Variants in UTRN observed in about 807,000 individuals in gnomAD.
The protein encoded by UTRN is utrophin, also known as dystrophin-related protein 1.
In UTRN, 283 loss-of-function variants were observed where a neutral mutation model predicts 463.9. That is an observed-to-expected ratio of 0.61 (90% CI 0.55 to 0.67). UTRN has a LOEUF of 0.67. Ranked by LOEUF, UTRN falls within the 30% of genes least tolerant of loss-of-function variation. The pLI, the probability that UTRN is intolerant of heterozygous loss-of-function variation, is 0.00. For missense variants in UTRN, 3,922 were observed against 4,084.3 expected (o/e 0.96, Z 1.08); for synonymous variants, 1,442 against 1,431.5 (o/e 1.01, Z -0.17).
In UTRN at chr6:144,511,130, C is replaced by T; in HGVS notation, c.4944+7C>T. The T allele has an allele frequency of 1.2e-5, 18 of 1,523,382 alleles. No homozygotes were observed. The highest frequency in any genetic ancestry group is 1.6e-5 in the Non-Finnish European group (18 of 1,128,152). The allele number at this position is 1,523,382 out of a possible 1,614,324, so 94.4% of individuals were successfully genotyped here. ...TTGGTGCAATACCTTGATGGTATGT[C>T]TCAGGAAAAAGTAAATGATGAAATC... is the stretch of plus-strand genomic sequence containing the variant. On this transcript the variant is annotated splice_region_variant and intron_variant, in intron 35 of 74. Transcript: ENST00000367545.
Position 144,461,233 on chromosome 6 carries a change from C to T in UTRN, c.2744C>T (p.Thr915Ile). ...CAACCTGGACATGCATATCTGGAAA[C>T]ATTGAAAACACTGAAAGATGTGCTA... The part of the protein sequence containing the change: ...KGQPGHAYLE[T>I]LKTLKDVLND... The change falls in exon 22 of 75, where the codon ACA becomes ATA. Residue 915 changes from threonine (T) to isoleucine (I), a missense_variant. Physicochemically the swap from Thr to Ile is moderately conservative, Grantham distance 89. Transcript: ENST00000367545. The T allele has an allele frequency of 6.2e-7, 1 of 1,607,130 alleles. No homozygotes were observed. The highest frequency in any genetic ancestry group is 1.1e-5 in the South Asian group (1 of 89,618).
At chr6:144,346,694 G>C (rs1231121356) in intron 2 of UTRN, among the ~76,000 whole-genome samples, 1 of 152,050 alleles carries the variant, frequency 6.6e-6, no homozygotes, top group African/African-American at 2.4e-5. Context: ...GTGGTGGTGG[G>C]TGCCTGAAAT....
chr6:144,364,190 T>C (rs1779313611), intron 2 of UTRN, among the ~76,000 whole-genome samples: 1 of 152,242 alleles, frequency 6.6e-6, no homozygotes, highest in South Asian at 2.1e-4. Context: ...TGCTTAAAGC[T>C]GAGCTCACTC....
intron 3 of UTRN, among the ~76,000 whole-genome samples, chr6:144,408,243 T>C (rs1240414884): frequency 6.6e-6 from 1 of 152,244 alleles, no homozygotes; most frequent in Non-Finnish European, 1.5e-5. Context: ...CCCGCGTTCT[T>C]CCATTGTATG....
intron 54 of UTRN, among the ~76,000 whole-genome samples, chr6:144,735,792 TA>T (rs1789321960): frequency 6.6e-6 from 1 of 152,116 alleles, no homozygotes; most frequent in Admixed American, 6.5e-5. Context: ...GTTAAAACGA[TA>T]TTGTATAATT....
intron 2 of UTRN, chr6:144,330,990 A>G (rs1360970952): frequency 1.0e-6 from 1 of 985,314 alleles, no homozygotes; most frequent in Non-Finnish European, 1.2e-6. Context: ...CTGAATCCAC[A>G]AACGGAGACG....
chr6:144,452,586 T>G (rs1037005183), intron 18 of UTRN, among the ~76,000 whole-genome samples: 1 of 152,032 alleles, frequency 6.6e-6, no homozygotes, highest in African/African-American at 2.4e-5. Flanking sequence ...GAATTTTGTC[T>G]TGGGAGTATC....
rs772441241 is a variant in UTRN at position 144,459,155 on chromosome 6, C to T, written c.2527-19C>T. On this transcript the variant is annotated intron_variant, in intron 20 of 74. Coordinates refer to ENST00000367545, the MANE Select transcript of UTRN (RefSeq NM_007124.3). ...GTTCATCTTCAGTGAGTTGTGTGAC[C>T]GTATTTTCTCTTCCTTAGCGGGAAT... 11 of 1,602,882 alleles carry T rather than the reference C, an allele frequency of 6.9e-6. No homozygotes were observed. The highest frequency in any genetic ancestry group is 5.4e-5 in the African/African-American group (4 of 74,536).
chr6:144,749,613 G>A (rs899631052), intron 55 of UTRN, among the ~76,000 whole-genome samples: 9 of 152,034 alleles, frequency 5.9e-5, no homozygotes, highest in Admixed American at 1.3e-4. Flanking sequence ...GCTTTATCTC[G>A]AGCCCCTTAA....
At chr6:144,752,359 T>C (rs372985399) in intron 56 of UTRN, among the ~76,000 whole-genome samples, 1 of 152,122 alleles carries the variant, frequency 6.6e-6, no homozygotes, top group African/African-American at 2.4e-5. Context: ...CTGGTTGCTA[T>C]TTAAATATCT....
At chr6:144,495,718 A>G (rs527924267) in intron 33 of UTRN, among the ~76,000 whole-genome samples, 4 of 152,384 alleles carry the variant, frequency 2.6e-5, no homozygotes, top group African/African-American at 4.8e-5. Context: ...TAGTACTTCA[A>G]AGAAATACAA....
chr6:144,414,059 C>G (rs961641647), intron 3 of UTRN, among the ~76,000 whole-genome samples: 5 of 151,984 alleles, frequency 3.3e-5, no homozygotes, highest in African/African-American at 9.7e-5. Context: ...CCTTGGCCTC[C>G]CAAAGTGCTG....
intron 51 of UTRN, among the ~76,000 whole-genome samples, chr6:144,666,661 G>A (rs1473692454): frequency 6.6e-6 from 1 of 152,172 alleles, no homozygotes; most frequent in Non-Finnish European, 1.5e-5. Context: ...AATGTCTGTG[G>A]ATTTCCTTTT....
chr6:144,489,596 G>A (rs954973274), intron 30 of UTRN, among the ~76,000 whole-genome samples: 1 of 152,002 alleles, frequency 6.6e-6, no homozygotes, highest in African/African-American at 2.4e-5. Context: ...CATGCAGTGG[G>A]CCATATTATT....
At position 144,797,803 on chromosome 6, in the gene UTRN, A is replaced by G. The variant is rs1433974349; in HGVS notation, c.9079-21A>G. On this transcript the variant is annotated intron_variant, in intron 63 of 74. Coordinates refer to ENST00000367545, the MANE Select transcript of UTRN (RefSeq NM_007124.3). ...AAATGAAGGCATTTCTTCACTTTTAATATATTTCTTTTTTCACCAGAATAA... is the reference window on the plus strand; with the variant it reads ...AAATGAAGGCATTTCTTCACTTTTAGTATATTTCTTTTTTCACCAGAATAA... 3.1e-6 allele frequency: 5 copies of G among 1,609,532 alleles called. No homozygotes were observed. In the African/African-American group the frequency reaches 5.4e-5, roughly 17 times the overall value.
chr6:144,479,879 C>T lies in UTRN; in HGVS notation c.3404C>T (p.Ala1135Val). ...EKAANLKKDL[A>V]EMQEWMTQAE... ...GCTGCGAACCTGAAGAAAGACTTGG[C>T]AGAGATGCAGGAATGGATGACCCAG... The change falls in exon 26 of 75, where the codon GCA becomes GTA. Residue 1135 changes from alanine to valine, a missense_variant. Ala to Val is a moderately conservative substitution (Grantham distance 64, BLOSUM62 0). Around this residue, in one of 3 missense-constraint regions of UTRN, gnomAD observed 2,349 missense variants for 2,303.8 expected, o/e 1.02. Transcript: ENST00000367545. The T allele has an allele frequency of 3.1e-6, 5 of 1,614,070 alleles. No homozygotes were observed. In the South Asian group the frequency reaches 5.5e-5, roughly 18 times the overall value.
At chr6:144,477,990 A>ATTT (rs990451941) in intron 25 of UTRN, among the ~76,000 whole-genome samples, 1 of 152,210 alleles carries the variant, frequency 6.6e-6, no homozygotes, top group Non-Finnish European at 1.5e-5. Context: ...TATATGGGAA[A>ATTT]TTTAAAGTGT....
intron 2 of UTRN, among the ~76,000 whole-genome samples, chr6:144,294,636 G>A (rs1804530840): frequency 6.6e-6 from 1 of 152,000 alleles, no homozygotes; most frequent in East Asian, 1.9e-4. Flanking sequence ...GGAGAGTGTG[G>A]TTTCTGCTCT....
chr6:144,475,937 A>G (rs1791144454), intron 25 of UTRN, among the ~76,000 whole-genome samples: 1 of 150,750 alleles, frequency 6.6e-6, no homozygotes, highest in Non-Finnish European at 1.5e-5. Context: ...TTAGCCGGGC[A>G]TGGTGGTGTG....
Sources: allele counts gnomAD v4.1 joint callset (sites outside exome capture counted in the v4.1 genomes callset), GRCh38; gene constraint gnomAD v4.1.1; regional missense constraint gnomAD v4.1.1; transcripts MANE v1.5; gene names NCBI Gene and HGNC (gene_info 2026-07-23, HGNC 2026-07-21).